The following JUP variants were observed in gnomAD, a reference collection of about 807,000 sequenced individuals.
JUP encodes catenin (cadherin-associated protein), gamma 80kDa.
In JUP, 28 loss-of-function variants were observed where a neutral mutation model predicts 71.1. The ratio of observed to expected loss-of-function variants is 0.39; its 90% CI spans 0.29 to 0.54. JUP has a LOEUF of 0.54. Among genes scored for constraint, JUP ranks in the 20% least tolerant of loss-of-function variants. The pLI is 0.62. For synonymous variants in JUP, 401 were observed against 438.9 expected, an observed-to-expected ratio of 0.91 and a Z score of 1.08; for missense variants, 869 against 1,030.1, an observed-to-expected ratio of 0.84 and a Z score of 2.14.
chr17:41,762,334 G>C (rs1223002100), intron 8 of JUP, among the ~76,000 whole-genome samples: 1 of 150,536 alleles, frequency 6.6e-6, no homozygotes, highest in Non-Finnish European at 1.5e-5. Context: ...TTCCGCCTCT[G>C]CCTGCACCTC....
intron 7 of JUP, among the ~76,000 whole-genome samples, chr17:41,764,058 G>A (rs564904853): frequency 8.1e-4 from 124 of 152,316 alleles, no homozygotes; most frequent in African/African-American, 2.9e-3. Context: ...CAAATGCCAC[G>A]CAGAGGGCCA....
At position 41,769,511 on chromosome 17, in the gene JUP, C is replaced by G. The variant is rs111344340; in HGVS notation, c.375G>C (p.Ser125=). Residue 125 remains serine (S), a synonymous_variant, in exon 3 of 14, where the codon TCG becomes TCC. Coordinates refer to ENST00000393931, the MANE Select transcript of JUP (RefSeq NM_002230.4). ...RLAEPSQLLK[S]AIVHLINYQD... ...GGTAGTTGATGAGATGCACAATGGC[C>G]GACTTGAGCAGCTGGGACGGCTCGG... 3.2e-5 allele frequency: 52 copies of G among 1,612,510 alleles called. No homozygotes were observed. Among genetic ancestry groups the G allele is most frequent in the Non-Finnish European group, 4.3e-5 (51 of 1,179,594 alleles).
rs573674027 is a variant in JUP, at chr17:41,757,018, G to C, written c.2046+397C>G. 2.8e-3 allele frequency among the ~76,000 whole-genome samples: 431 copies of C among 152,248 alleles called. 1 individual carries two copies. Among genetic ancestry groups the C allele is most frequent in the African/African-American group, 9.8e-3 (408 of 41,518 alleles). On this transcript the variant is annotated intron_variant, in intron 12 of 13. Transcript: ENST00000393931. ...AGTGCCCTGATATACTCATGTCCTC[G>C]GTACTCCCCAGGGAGGAGGGTTCCC...
chr17:41,763,669 C>G (rs976870076), intron 7 of JUP, among the ~76,000 whole-genome samples: 2 of 152,074 alleles, frequency 1.3e-5, no homozygotes, highest in African/African-American at 4.8e-5. Context: ...GGCCAAAGTA[C>G]GGTGGCCAAG....
intron 4 of JUP, 58 bp downstream of exon 4, chr17:41,768,911 G>C: frequency 7.6e-7 from 1 of 1,309,632 alleles, no homozygotes. Context: ...AGGGAAGGGA[G>C]GGGAGAGGCC....
At chr17:41,763,816 T>C (rs1474010074) in intron 7 of JUP, among the ~76,000 whole-genome samples, 2 of 152,118 alleles carry the variant, frequency 1.3e-5, no homozygotes, top group Non-Finnish European at 2.9e-5. Flanking sequence ...GCCAAATCCA[T>C]TTCCAGTAAA....
chr17:41,777,282 C>T (rs1206532017), intron 1 of JUP, among the ~76,000 whole-genome samples: 1 of 152,142 alleles, frequency 6.6e-6, no homozygotes, highest in Non-Finnish European at 1.5e-5. Context: ...GCTGCACAGC[C>T]AGGCGTGAAC....
rs781809934 is a variant in JUP, at chr17:41,767,490, C to T, written c.798G>A (p.Leu266=). 2 of 1,613,860 alleles carry T rather than the reference C, an allele frequency of 1.2e-6. No homozygotes were observed. The highest frequency in any genetic ancestry group is 2.7e-5 in the African/African-American group (2 of 74,842). Residue 266 remains leucine, a synonymous_variant, in exon 5 of 14, where the codon CTG becomes CTA. Transcript: ENST00000393931. ...YQEGAKMAVR[L]ADGLQKMVPL... The stretch of plus-strand genomic sequence containing the variant: ...GCACCATCTTTTGCAGCCCGTCGGC[C>T]AGGCGCACGGCCATCTTGGCGCCCT...
intron 2 of JUP, among the ~76,000 whole-genome samples, chr17:41,770,301 T>C (rs1555606321): frequency 6.6e-6 from 1 of 152,148 alleles, no homozygotes; most frequent in Admixed American, 6.5e-5. Context: ...GGTCCTCAGC[T>C]GAGACGTCAG....
chr17:41,757,788 G>A lies in JUP; in HGVS notation c.1774-4C>T. 6.2e-7 allele frequency: 1 copy of A among 1,604,834 alleles called. No individual in the cohort carries two copies. Among genetic ancestry groups the A allele is most frequent in the Non-Finnish European group, 8.5e-7 (1 of 1,175,038 alleles). ...TCTCCACCGACGAGTACAGGAGCTG[G>A]GGAGAGGGGACGTGGGAAGCAGGGG... On this transcript the variant is annotated splice_polypyrimidine_tract_variant and splice_region_variant and intron_variant, in intron 10 of 13. Coordinates refer to ENST00000393931, the MANE Select transcript of JUP (RefSeq NM_002230.4).
intron 8 of JUP, among the ~76,000 whole-genome samples, chr17:41,759,491 A>G (rs534870103): frequency 1.4e-5 from 2 of 143,642 alleles, no homozygotes; most frequent in East Asian, 4.0e-4. Flanking sequence ...CCCCACAGAC[A>G]CCATGACCTT....
At chr17:41,758,364 G>T (rs1233059088) in intron 10 of JUP, 35 bp downstream of exon 10, 1 of 1,611,550 alleles carries the variant, frequency 6.2e-7, no homozygotes, top group Non-Finnish European at 8.5e-7. Flanking sequence ...AGCAGTGGTG[G>T]GGGGACCTCT....
rs1207096612 is a variant in JUP, at chr17:41,760,001, GT to G, written c.1498-1132del. Among the ~76,000 whole-genome samples, 11 of 151,712 alleles carry G rather than the reference GT, an allele frequency of 7.3e-5. No homozygotes were observed. In the East Asian group the frequency reaches 2.2e-3, roughly 30 times the overall value. ...GGCCAAGGCAGGCAGATCACTTTAG[GT>G]CAGGAGTTCGAGACCAGCCTGGCCA... is the stretch of plus-strand genomic sequence containing the variant. On this transcript the variant is annotated intron_variant, in intron 8 of 13. Transcript: ENST00000393931.
Position 41,757,725 on chromosome 17 carries a change from C to T in JUP, c.1833G>A (p.Leu611=). 1 of 1,613,122 alleles carries T rather than the reference C, an allele frequency of 6.2e-7. No individual in the cohort carries two copies. The highest frequency in any genetic ancestry group is 8.5e-7 in the Non-Finnish European group (1 of 1,179,440). Reference sequence around the variant, plus strand: ...CGTCGGCCGCCTCCTTGTCCTGGGCCAGCTCACACAGCACCCCGGCAGCCA... The same window carrying T: ...CGTCGGCCGCCTCCTTGTCCTGGGCTAGCTCACACAGCACCCCGGCAGCCA... ...QRVAAGVLCE[L]AQDKEAADAI... Residue 611 remains leucine, a synonymous_variant, in exon 11 of 14, where the codon CTG becomes CTA. Transcript: ENST00000393931.
rs781988240 is a variant in JUP, at chr17:41,758,818, G to A, written c.1550C>T (p.Pro517Leu). ...GGGGATGACCGCTGCCTCCTGCAGC[G>A]GGGCATGGTTGGCTGGGCACAGGGC... ...NLALCPANHA[P>L]LQEAAVIPRL... The change falls in exon 9 of 14, where the codon CCG becomes CTG. Residue 517 changes from proline to leucine, a missense_variant. Coordinates refer to ENST00000393931, the MANE Select transcript of JUP (RefSeq NM_002230.4). 28 of 1,610,682 alleles carry A rather than the reference G, an allele frequency of 1.7e-5. No individual in the cohort carries two copies. The highest frequency in any genetic ancestry group is 1.6e-4 in the Middle Eastern group (1 of 6,064).
chr17:41,778,941 A>G (rs1484490901), intron 1 of JUP, among the ~76,000 whole-genome samples: 1 of 145,588 alleles, frequency 6.9e-6, no homozygotes, highest in African/African-American at 2.5e-5. Flanking sequence ...TGCTAAGAAA[A>G]GAGGAAGAGA....
chr17:41,773,615 G>A (rs375102875), intron 1 of JUP, among the ~76,000 whole-genome samples: 5 of 151,820 alleles, frequency 3.3e-5, no homozygotes, highest in East Asian at 3.9e-4. Context: ...CTTTCCACAC[G>A]CACCCCTTCC....
intron 1 of JUP, among the ~76,000 whole-genome samples, chr17:41,774,231 T>TG (rs1239514947): frequency 5.2e-5 from 7 of 135,820 alleles, no homozygotes; most frequent in East Asian, 2.7e-4. Flanking sequence ...CAGGATGCCA[T>TG]GGGGGGGTGG....
intron 8 of JUP, 132 bp downstream of exon 8, chr17:41,762,851 G>T: frequency 1.4e-6 from 1 of 728,464 alleles, no homozygotes; most frequent in Non-Finnish European, 2.4e-6. Flanking sequence ...ACTATTACAC[G>T]AGAGAGAAAT....
Sources: gnomAD v4.1 joint callset for allele counts (sites outside exome capture counted in the v4.1 genomes callset) on GRCh38, gnomAD v4.1.1 for gene constraint, MANE v1.5 for transcripts, NCBI Gene and HGNC (gene_info 2026-07-23, HGNC 2026-07-21) for gene names.